ONECUT3: variants seen among roughly 807,000 people sequenced by gnomAD.
ONECUT3 encodes one cut domain family member 3.
A neutral mutation model predicts 16.8 loss-of-function variants in ONECUT3; 11 were observed. The observed-to-expected ratio is 0.66, with a 90% CI of 0.41 to 1.09. The LOEUF is 1.09. Among genes scored for constraint, ONECUT3 ranks in the 50% least tolerant of loss-of-function variants. The pLI is 0.00. For missense variants in ONECUT3, 637 were observed against 629.9 expected (o/e 1.01, Z -0.12); for synonymous variants, 344 against 310.7 (o/e 1.11, Z -1.13).
At position 1,754,982 on chromosome 19, in the gene ONECUT3, G is replaced by C; in HGVS notation, c.1192+128G>C. 8.3e-7 allele frequency: 1 copy of C among 1,211,662 alleles called. No homozygotes were observed. The highest frequency in any genetic ancestry group is 1.0e-6 in the Non-Finnish European group (1 of 956,664). 75.1% of individuals were successfully genotyped at this position (1,211,662 alleles called of 1,614,324 possible). A position where few individuals can be genotyped will look rare whatever the true frequency, so the allele number is the denominator to read the frequency against. On this transcript the variant is annotated intron_variant, in intron 1 of 1. Transcript: ENST00000382349. The surrounding 1 kb of genome is among the most constrained non-coding windows in gnomAD (Gnocchi z 7.4). ...CCGCCCGTGCGCCCCGGCAGCCCGG[G>C]ACCCCCTATCAGGAAGCTAGACCGC...
intron 1 of ONECUT3, 121 bp from the exon 2 acceptor site, chr19:1,775,032 C>A: frequency 1.6e-6 from 1 of 620,198 alleles, no homozygotes; most frequent in Non-Finnish European, 2.7e-6. Flanking sequence ...CGCCTTTCCC[C>A]AACGTGTCCC....
At chr19:1,775,026 T>G in intron 1 of ONECUT3, 127 bp from the exon 2 acceptor site, 1 of 607,648 alleles carries the variant, frequency 1.6e-6, no homozygotes, top group South Asian at 2.1e-5. Flanking sequence ...TGCATTCGCC[T>G]TTCCCCAACG....
At chr19:1,757,608 C>A (rs1459586956) in intron 1 of ONECUT3, among the ~76,000 whole-genome samples, 1 of 152,112 alleles carries the variant, frequency 6.6e-6, no homozygotes, top group African/African-American at 2.4e-5. Flanking sequence ...ACGCCGTCAA[C>A]CTTGCGCACC....
chr19:1,757,132 T>TGGG (rs11381332), intron 1 of ONECUT3, among the ~76,000 whole-genome samples: 92 of 97,726 alleles, frequency 9.4e-4, no homozygotes, highest in African/African-American at 3.1e-3. Flanking sequence ...AGAAGTCCCA[T>TGGG]GGGGGGGGGG....
rs1238469934 is a variant in ONECUT3, at chr19:1,758,213, G to A, written c.1192+3359G>A. On this transcript the variant is annotated intron_variant, in intron 1 of 1. Transcript: ENST00000382349. This position sits in a 1 kb window ranked among gnomAD's most constrained non-coding sequence, Gnocchi z 5.9. Reference sequence around the variant, plus strand: ...CAGAGAGTGGGGAGGGAGAGACCGGGAGCGGGAGAAACAGACGGGGAGAAG... The same window carrying A: ...CAGAGAGTGGGGAGGGAGAGACCGGAAGCGGGAGAAACAGACGGGGAGAAG... 6.6e-6 allele frequency among the ~76,000 whole-genome samples: 1 copy of A among 151,910 alleles called. No homozygotes were observed. Among genetic ancestry groups the A allele is most frequent in the Non-Finnish European group, 1.5e-5 (1 of 67,962 alleles).
intron 1 of ONECUT3, among the ~76,000 whole-genome samples, chr19:1,770,125 A>G (rs895112962): frequency 6.6e-6 from 1 of 152,158 alleles, no homozygotes; most frequent in Non-Finnish European, 1.5e-5. Flanking sequence ...GGGTACTGTG[A>G]TTCATGCCTG....
At position 1,758,313 on chromosome 19, in the gene ONECUT3, A is replaced by G. The variant is rs867462639; in HGVS notation, c.1192+3459A>G. 5.0e-3 allele frequency among the ~76,000 whole-genome samples: 542 copies of G among 109,044 alleles called. No homozygotes were observed. The highest frequency in any genetic ancestry group is 0.018 in the African/African-American group (522 of 28,900). The allele number at this position is 109,044 out of a possible 152,430, so 71.5% of individuals were successfully genotyped here. On this transcript the variant is annotated intron_variant, in intron 1 of 1. Coordinates refer to ENST00000382349, the MANE Select transcript of ONECUT3 (RefSeq NM_001080488.2). This position sits in a 1 kb window ranked among gnomAD's most constrained non-coding sequence, Gnocchi z 5.9. ...AGGCAGAGAGACCAAAAAAAAAAAAAAAAGAGAGAGAGAGAGAGAGAGACA... is the reference window on the plus strand; with the variant it reads ...AGGCAGAGAGACCAAAAAAAAAAAAGAAAGAGAGAGAGAGAGAGAGAGACA...
Position 1,777,845 on chromosome 19 carries a change from A to G in ONECUT3, c.*2400A>G, listed in dbSNP as rs1022012502. Reference sequence around the variant, plus strand: ...CTGTCTCTACTAAAAATACAAAAAAATTAGCTGGGCGAGGTGGCAGGCACC... The same window carrying G: ...CTGTCTCTACTAAAAATACAAAAAAGTTAGCTGGGCGAGGTGGCAGGCACC... On this transcript the variant is annotated 3_prime_UTR_variant, in exon 2 of 2. Transcript: ENST00000382349. The G allele has an allele frequency of 6.6e-6, 1 of 151,998 alleles. No homozygotes were observed. The highest frequency in any genetic ancestry group is 2.4e-5 in the African/African-American group (1 of 41,372). The allele number at this position is 151,998 out of a possible 1,614,324, so 9.4% of individuals were successfully genotyped here.
In ONECUT3 at chr19:1,779,566, T is replaced by C. The variant is rs2068139645; in HGVS notation, c.*4121T>C. On this transcript the variant is annotated 3_prime_UTR_variant, in exon 2 of 2. Transcript: ENST00000382349. ...TCTGTGTTCTGTGTTCAAATGTAAT[T>C]TAAGAAAAAAAAAGGAAGAAAAATG... is the stretch of plus-strand genomic sequence containing the variant. 6.7e-6 allele frequency: 1 copy of C among 150,312 alleles called. No individual in the cohort carries two copies. The highest frequency in any genetic ancestry group is 1.9e-4 in the East Asian group (1 of 5,154). The allele number at this position is 150,312 out of a possible 1,614,324, so 9.3% of individuals were successfully genotyped here. A position where few individuals can be genotyped will look rare whatever the true frequency, so the allele number is the denominator to read the frequency against.
Position 1,758,067 on chromosome 19 carries a change from TGCCG to T in ONECUT3, c.1192+3215_1192+3218del, listed in dbSNP as rs1299764523. On this transcript the variant is annotated intron_variant, in intron 1 of 1. Coordinates refer to ENST00000382349, the MANE Select transcript of ONECUT3 (RefSeq NM_001080488.2). This position sits in a 1 kb window ranked among gnomAD's most constrained non-coding sequence, Gnocchi z 5.9. Reference sequence around the variant, plus strand: ...GCGTTTCCGCAGGTGCCGAGTGTCCTGCCGGGCGCCGGGGCCAGGACAGAGACGG... The same window carrying T: ...GCGTTTCCGCAGGTGCCGAGTGTCCTGGCGCCGGGGCCAGGACAGAGACGG... 1.3e-5 allele frequency among the ~76,000 whole-genome samples: 2 copies of T among 151,916 alleles called. No homozygotes were observed. The highest frequency in any genetic ancestry group is 4.8e-5 in the African/African-American group (2 of 41,336).
At chr19:1,773,368 C>T (rs1321693498) in intron 1 of ONECUT3, among the ~76,000 whole-genome samples, 1 of 152,098 alleles carries the variant, frequency 6.6e-6, no homozygotes, top group Non-Finnish European at 1.5e-5. Context: ...AACCTGAAAC[C>T]GCAGTTAGAA....
rs977939648 is a variant in ONECUT3, at chr19:1,757,759, C to T, written c.1192+2905C>T. Among the ~76,000 whole-genome samples, 11 of 152,236 alleles carry T rather than the reference C, an allele frequency of 7.2e-5. No individual in the cohort carries two copies. The South Asian group carries it at 1.9e-3, about 26-fold the overall frequency. On this transcript the variant is annotated intron_variant, in intron 1 of 1. Transcript: ENST00000382349. ...TTCCGGTCGCTGCGCAAATGAAAAG[C>T]GGTTAAGTGGCGGCAAATCGCGGCG...
rs1482763975 is a variant in ONECUT3, at chr19:1,766,449, A to G, written c.1193-8704A>G. Reference sequence around the variant, plus strand: ...TGAAGGGGAGGATGAAGGGGGAGAGAAGGAGGAGGAGGGGGAGAGGGAAGG... The same window carrying G: ...TGAAGGGGAGGATGAAGGGGGAGAGGAGGAGGAGGAGGGGGAGAGGGAAGG... On this transcript the variant is annotated intron_variant, in intron 1 of 1. Coordinates refer to ENST00000382349, the MANE Select transcript of ONECUT3 (RefSeq NM_001080488.2). The surrounding 1 kb of genome is among the most constrained non-coding windows in gnomAD (Gnocchi z 4.0). Among the ~76,000 whole-genome samples, 1 of 146,066 alleles carries G rather than the reference A, an allele frequency of 6.8e-6. No individual in the cohort carries two copies. Among genetic ancestry groups the G allele is most frequent in the Non-Finnish European group, 1.5e-5 (1 of 66,438 alleles).
At position 1,754,157 on chromosome 19, in the gene ONECUT3, C is replaced by A; in HGVS notation, c.495C>A (p.Ser165Arg). Residue 165 changes from serine (S) to arginine (R), a missense_variant, in exon 1 of 2, where the codon AGC becomes AGA. Coordinates refer to ENST00000382349, the MANE Select transcript of ONECUT3 (RefSeq NM_001080488.2). The surrounding 1 kb of genome is among the most constrained non-coding windows in gnomAD (Gnocchi z 7.4). ...PPPQRLAASVSGSFTLMRDER... is the reference protein window; with the variant it reads ...PPPQRLAASVRGSFTLMRDER... ...CGCAGCGTCTGGCGGCCAGCGTGAGCGGCAGCTTCACCCTCATGCGCGACG... is the reference window on the plus strand; with the variant it reads ...CGCAGCGTCTGGCGGCCAGCGTGAGAGGCAGCTTCACCCTCATGCGCGACG... 9.2e-7 allele frequency: 1 copy of A among 1,083,002 alleles called. No individual in the cohort carries two copies. Among genetic ancestry groups the A allele is most frequent in the Non-Finnish European group, 1.1e-6 (1 of 891,096 alleles). The allele number at this position is 1,083,002 out of a possible 1,614,324, so 67.1% of individuals were successfully genotyped here.
chr19:1,775,723 A>T lies in ONECUT3; in HGVS notation c.*278A>T. 1 of 330,194 alleles carries T rather than the reference A, an allele frequency of 3.0e-6. No individual in the cohort carries two copies. The highest frequency in any genetic ancestry group is 5.8e-5 in the South Asian group (1 of 17,346). The allele number at this position is 330,194 out of a possible 1,614,324, so 20.5% of individuals were successfully genotyped here. A position where few individuals can be genotyped will look rare whatever the true frequency, so the allele number is the denominator to read the frequency against. ...AGGGAGTGACAGAAAGGGGTTTCCC[A>T]GCCCCCTCTCCATTCAGGACGCCCA... is the stretch of plus-strand genomic sequence containing the variant. On this transcript the variant is annotated 3_prime_UTR_variant, in exon 2 of 2. Transcript: ENST00000382349.
rs2145955346 is a variant in ONECUT3 at position 1,755,044 on chromosome 19, G to T, written c.1192+190G>T. On this transcript the variant is annotated intron_variant, in intron 1 of 1. Coordinates refer to ENST00000382349, the MANE Select transcript of ONECUT3 (RefSeq NM_001080488.2). This position sits in a 1 kb window ranked among gnomAD's most constrained non-coding sequence, Gnocchi z 7.5. The stretch of plus-strand genomic sequence containing the variant: ...CTGCCCGTTTGTACCGTTGCCAAAA[G>T]GGAGAAAGGGATTGTGCCGCCTCCC... Among the ~76,000 whole-genome samples, 1 of 152,234 alleles carries T rather than the reference G, an allele frequency of 6.6e-6. No homozygotes were observed. Among genetic ancestry groups the T allele is most frequent in the Admixed American group, 6.5e-5 (1 of 15,308 alleles).
chr19:1,763,411 T>C (rs1300932548), intron 1 of ONECUT3, among the ~76,000 whole-genome samples: 5 of 103,222 alleles, frequency 4.8e-5, no homozygotes, highest in Non-Finnish European at 1.0e-4. Context: ...CCAGATGTGG[T>C]GGTGTACATC....
intron 1 of ONECUT3, among the ~76,000 whole-genome samples, chr19:1,772,426 G>A (rs1044468491): frequency 6.6e-6 from 1 of 152,132 alleles, no homozygotes; most frequent in Non-Finnish European, 1.5e-5. Flanking sequence ...CCAGCCTCAA[G>A]TGTTCCTCCT....
chr19:1,753,870 G>T lies in ONECUT3; in HGVS notation c.208G>T (p.Gly70Cys). The T allele has an allele frequency of 7.2e-6, 7 of 977,964 alleles. No homozygotes were observed. Among genetic ancestry groups the T allele is most frequent in the Non-Finnish European group, 8.5e-6 (7 of 825,992 alleles). 60.6% of individuals were successfully genotyped at this position (977,964 alleles called of 1,614,324 possible). A position where few individuals can be genotyped will look rare whatever the true frequency, so the allele number is the denominator to read the frequency against. Residue 70 changes from glycine (G) to cysteine (C), a missense_variant, in exon 1 of 2, where the codon GGC becomes TGC. Around this residue, in one of 3 missense-constraint regions of ONECUT3, gnomAD observed 419 missense variants for 377.9 expected, o/e 1.11. Transcript: ENST00000382349. Reference protein sequence around the residue: ...GGGGGAGGAGGAGSAGGGADF... With the variant: ...GGGGGAGGAGCAGSAGGGADF... ...CGGTGGGGGCGCCGGGGGCGCGGGC[G>T]GCGCGGGCAGCGCGGGCGGCGGCGC... is the stretch of plus-strand genomic sequence containing the variant.
Sources: allele counts gnomAD v4.1 joint callset (sites outside exome capture counted in the v4.1 genomes callset), GRCh38; gene constraint gnomAD v4.1.1; regional missense constraint gnomAD v4.1.1; non-coding constraint Gnocchi (gnomAD v3.1); transcripts MANE v1.5; gene names NCBI Gene and HGNC (gene_info 2026-07-23, HGNC 2026-07-21).